STXBP4: variants seen among roughly 807,000 people sequenced by gnomAD.
STXBP4 encodes syntaxin-binding protein 4.
Under a neutral mutation model 76.1 loss-of-function variants are expected in STXBP4, and 55 were observed. The ratio of observed to expected loss-of-function variants is 0.72; its 90% CI spans 0.58 to 0.91. The LOEUF is 0.91. Among genes scored for constraint, STXBP4 ranks in the 40% least tolerant of loss-of-function variants. STXBP4 has a pLI of 0.00. For missense variants in STXBP4, 618 were observed against 636.9 expected, an observed-to-expected ratio of 0.97 and a Z score of 0.32; for synonymous variants, 201 against 220.2, an observed-to-expected ratio of 0.91 and a Z score of 0.77.
chr17:55,046,765 T>C (rs1018275088), intron 11 of STXBP4, among the ~76,000 whole-genome samples: 2 of 151,954 alleles, frequency 1.3e-5, no homozygotes, highest in African/African-American at 4.8e-5. Context: ...TGCTCTTCAA[T>C]TTGGTATCTC....
intron 16 of STXBP4, among the ~76,000 whole-genome samples, chr17:55,120,332 C>A (rs1250413967): frequency 6.6e-6 from 1 of 152,178 alleles, no homozygotes. Context: ...GCCCACATCA[C>A]GTTCACACAA....
the STXBP4 span, among the ~76,000 whole-genome samples, chr17:55,183,321 C>T: frequency 6.6e-6 from 1 of 152,154 alleles, no homozygotes. Flanking sequence ...CACAGTGGCT[C>T]ATGCCTGTAA....
intron 12 of STXBP4, among the ~76,000 whole-genome samples, chr17:55,049,718 A>T (rs1567737689): frequency 6.6e-6 from 1 of 152,056 alleles, no homozygotes; most frequent in East Asian, 1.9e-4. Context: ...GCAACCAAAC[A>T]TAATGGTTAT....
rs1282478857 is a variant in STXBP4 at position 55,165,998 on chromosome 17, A to G, written c.*6087A>G. 2 of 152,250 alleles carry G rather than the reference A, an allele frequency of 1.3e-5. No homozygotes were observed. Among genetic ancestry groups the G allele is most frequent in the African/African-American group, 2.4e-5 (1 of 41,462 alleles). The allele number at this position is 152,250 out of a possible 1,614,324, so 9.4% of individuals were successfully genotyped here. On this transcript the variant is annotated 3_prime_UTR_variant, in exon 18 of 18. Transcript: ENST00000376352. ...GATATTTTGTTATAGCAGCTCCTGA[A>G]TGGACTAAGACAGCCCACAGAGTTT...
chr17:55,097,724 C>T (rs980463118), intron 16 of STXBP4, among the ~76,000 whole-genome samples: 7 of 152,082 alleles, frequency 4.6e-5, no homozygotes, highest in Non-Finnish European at 1.0e-4. Context: ...AGTTCACACC[C>T]TAATTCTATT....
intron 8 of STXBP4, among the ~76,000 whole-genome samples, chr17:55,013,702 G>A (rs2078152627): frequency 6.6e-6 from 1 of 152,212 alleles, no homozygotes. Flanking sequence ...GCAGCTAAAA[G>A]TAAATCATCC....
intron 16 of STXBP4, among the ~76,000 whole-genome samples, chr17:55,102,080 T>C (rs1285011186): frequency 6.6e-6 from 1 of 152,196 alleles, no homozygotes; most frequent in Non-Finnish European, 1.5e-5. Flanking sequence ...TTTATTCCTG[T>C]TGAATGCCTG....
At chr17:55,073,672 A>C (rs2079147783) in intron 13 of STXBP4, among the ~76,000 whole-genome samples, 1 of 152,204 alleles carries the variant, frequency 6.6e-6, no homozygotes, top group South Asian at 2.1e-4. Context: ...CTTGTCGCCC[A>C]GGCTGGAGTG....
chr17:55,189,914 T>C, the STXBP4 span, among the ~76,000 whole-genome samples: 1 of 152,160 alleles, frequency 6.6e-6, no homozygotes, highest in Non-Finnish European at 1.5e-5. Context: ...ATCATTCTCC[T>C]CTCTAGAAGA....
chr17:55,028,130 A>G (rs150463490), intron 8 of STXBP4, among the ~76,000 whole-genome samples: 8 of 152,242 alleles, frequency 5.3e-5, no homozygotes, highest in South Asian at 2.1e-4. Flanking sequence ...TTATTATAGT[A>G]TGTCCTATAA....
At chr17:55,114,739 A>G (rs1170788180) in intron 16 of STXBP4, among the ~76,000 whole-genome samples, 2 of 151,956 alleles carry the variant, frequency 1.3e-5, no homozygotes, top group African/African-American at 4.8e-5. Context: ...AAGGCTGAAC[A>G]TGGTCATAAA....
chr17:55,026,867 G>A (rs1049136219), intron 8 of STXBP4, among the ~76,000 whole-genome samples: 12 of 152,132 alleles, frequency 7.9e-5, no homozygotes, highest in South Asian at 2.1e-4. Context: ...AGTATGCTGC[G>A]GCCTCAGGCA....
chr17:55,066,497 T>C (rs890960038), intron 12 of STXBP4, among the ~76,000 whole-genome samples: 1 of 152,172 alleles, frequency 6.6e-6, no homozygotes, highest in African/African-American at 2.4e-5. Context: ...GTGCTAGGAT[T>C]ACAGATGTAA....
chr17:55,032,521 C>G lies in STXBP4; in HGVS notation c.763+1257C>G, dbSNP rs77620632. 9.9e-3 allele frequency among the ~76,000 whole-genome samples: 1,514 copies of G among 152,230 alleles called. 26 individuals are homozygous for G. The highest frequency in any genetic ancestry group is 0.034 in the African/African-American group (1,420 of 41,542). On this transcript the variant is annotated intron_variant, in intron 9 of 17. Coordinates refer to ENST00000376352, the MANE Select transcript of STXBP4 (RefSeq NM_178509.6). ...ATTTAAGAATTGAAGACATCAAGTA[C>G]TTCTGGAGACTGAGTTTTTAGGCAG...
chr17:55,060,135 G>A (rs1000726026), intron 12 of STXBP4, among the ~76,000 whole-genome samples: 12 of 151,874 alleles, frequency 7.9e-5, no homozygotes, highest in East Asian at 1.9e-4. Context: ...CATTAACACC[G>A]TAAAAAAACA....
intron 9 of STXBP4, among the ~76,000 whole-genome samples, chr17:55,032,922 C>T (rs1474033050): frequency 3.3e-5 from 5 of 152,154 alleles, no homozygotes. Context: ...AAATTTCCAA[C>T]CAACTTTTTT....
At chr17:54,992,780 G>A (rs189708039) in intron 4 of STXBP4, among the ~76,000 whole-genome samples, 55 of 138,300 alleles carry the variant, frequency 4.0e-4, no homozygotes, top group African/African-American at 1.4e-3. Flanking sequence ...GCACAATCTC[G>A]GCTCACTGCA....
intron 12 of STXBP4, among the ~76,000 whole-genome samples, chr17:55,047,966 A>G (rs184324221): frequency 6.6e-6 from 1 of 152,038 alleles, no homozygotes; most frequent in Non-Finnish European, 1.5e-5. Context: ...AAATTCTGAA[A>G]TAAAGAGTAG....
At chr17:55,197,859 A>T in the STXBP4 span, among the ~76,000 whole-genome samples, 1 of 152,210 alleles carries the variant, frequency 6.6e-6, no homozygotes, top group Non-Finnish European at 1.5e-5. Context: ...ATTTCTTCCC[A>T]ACTCTTCCCT....
Sources: allele counts gnomAD v4.1 joint callset (sites outside exome capture counted in the v4.1 genomes callset), GRCh38; gene constraint gnomAD v4.1.1; transcripts MANE v1.5; gene names NCBI Gene and HGNC (gene_info 2026-07-23, HGNC 2026-07-21).